Variants in PSMA3 observed in about 807,000 individuals in gnomAD.
PSMA3 encodes the protein proteasome subunit alpha type-3.
In PSMA3, 8 loss-of-function variants were observed where a neutral mutation model predicts 40.0. That is an observed-to-expected ratio of 0.20 (90% CI 0.12 to 0.36). The LOEUF (loss-of-function observed/expected upper bound fraction) is 0.36. Ranked by LOEUF, PSMA3 falls within the 10% of genes least tolerant of loss-of-function variation. PSMA3 has a pLI of 1.00. For synonymous variants in PSMA3, 110 were observed against 100.0 expected, an observed-to-expected ratio of 1.10 and a Z score of -0.59; for missense variants, 219 against 310.6, an observed-to-expected ratio of 0.70 and a Z score of 2.22.
intron 1 of PSMA3, among the ~76,000 whole-genome samples, chr14:58,246,842 C>T (rs1365352928): frequency 6.6e-6 from 1 of 152,226 alleles, no homozygotes; most frequent in Non-Finnish European, 1.5e-5. Flanking sequence ...TTATTTTCCG[C>T]ATAAAGCCAG....
intron 6 of PSMA3, among the ~76,000 whole-genome samples, chr14:58,262,656 G>A (rs1183267943): frequency 6.7e-6 from 1 of 150,130 alleles, no homozygotes; most frequent in Non-Finnish European, 1.5e-5. Flanking sequence ...TCTGCCTCCC[G>A]GATTCAAGGG....
At position 58,247,826 on chromosome 14, in the gene PSMA3, A is replaced by G; in HGVS notation, c.98A>G (p.Asn33Ser). 1.3e-6 allele frequency: 2 copies of G among 1,587,026 alleles called. No individual in the cohort carries two copies. The highest frequency in any genetic ancestry group is 8.6e-7 in the Non-Finnish European group (1 of 1,158,006). ...GAATATGCTATGAAGGCTGTGGAAA[A>G]TAGTAGGTAAGAAACATTTAACCAG... ...QVEYAMKAVE[N>S]SSTAIGIRCK... is the part of the protein sequence containing the mutation. Residue 33 changes from asparagine to serine, a missense_variant, in exon 2 of 11, where the codon AAT becomes AGT. Asn to Ser is a conservative substitution (Grantham distance 46, BLOSUM62 1). Coordinates refer to ENST00000216455, the MANE Select transcript of PSMA3 (RefSeq NM_002788.4).
intron 3 of PSMA3, among the ~76,000 whole-genome samples, chr14:58,256,075 A>G (rs528850708): frequency 6.6e-6 from 1 of 152,048 alleles, no homozygotes; most frequent in Non-Finnish European, 1.5e-5. Context: ...GCTGGTTTCA[A>G]ACTCCTGACC....
chr14:58,252,607 G>C (rs753486810), intron 3 of PSMA3, among the ~76,000 whole-genome samples: 17 of 152,118 alleles, frequency 1.1e-4, no homozygotes, highest in Admixed American at 6.6e-4. Flanking sequence ...CTTTATATAA[G>C]GTGGAACATC....
At position 58,270,914 on chromosome 14, in the gene PSMA3, A is replaced by T; in HGVS notation, c.659-20A>T. On this transcript the variant is annotated intron_variant, in intron 9 of 10. Coordinates refer to ENST00000216455, the MANE Select transcript of PSMA3 (RefSeq NM_002788.4). ...GGTACTCAATTTAAAATTCATTTACACATGTGGCTTAATTTACAGTAACTA... is the reference window on the plus strand; with the variant it reads ...GGTACTCAATTTAAAATTCATTTACTCATGTGGCTTAATTTACAGTAACTA... 1 of 1,567,454 alleles carries T rather than the reference A, an allele frequency of 6.4e-7. No homozygotes were observed. The highest frequency in any genetic ancestry group is 8.7e-7 in the Non-Finnish European group (1 of 1,143,196).
At chr14:58,251,727 C>T (rs1043679971) in intron 2 of PSMA3, among the ~76,000 whole-genome samples, 2 of 152,084 alleles carry the variant, frequency 1.3e-5, no homozygotes, top group African/African-American at 4.8e-5. Context: ...CCAGAGCAGT[C>T]ACTGTTAACT....
rs1890185412 is a variant in PSMA3 at position 58,257,957 on chromosome 14, T to C, written c.363T>C (p.His121=). 6.2e-7 allele frequency: 1 copy of C among 1,614,026 alleles called. No individual in the cohort carries two copies. Among genetic ancestry groups the C allele is most frequent in the South Asian group, 1.1e-5 (1 of 91,088 alleles). Residue 121 remains histidine, a synonymous_variant, in exon 5 of 11, where the codon CAT becomes CAC. Transcript: ENST00000216455. ...CAGACAGAGTGGCCATGTATGTGCA[T>C]GCATATACACTCTACAGTGCTGTTA... The part of the protein sequence containing the change: ...HLADRVAMYV[H]AYTLYSAVRP...
intron 3 of PSMA3, among the ~76,000 whole-genome samples, chr14:58,254,585 C>G (rs943979318): frequency 3.3e-5 from 5 of 151,622 alleles, no homozygotes; most frequent in African/African-American, 1.2e-4. Flanking sequence ...ATCCTCCCGC[C>G]TCAGCTTCTT....
At chr14:58,260,907 G>A in intron 5 of PSMA3, 41 bp from the exon 6 acceptor site, 1 of 1,387,586 alleles carries the variant, frequency 7.2e-7, no homozygotes, top group Non-Finnish European at 1.0e-6. Context: ...ATACTTTTAT[G>A]TTATTGCCAT....
intron 3 of PSMA3, among the ~76,000 whole-genome samples, chr14:58,256,602 C>G (rs1487770779): frequency 6.6e-6 from 1 of 151,098 alleles, no homozygotes; most frequent in African/African-American, 2.4e-5. Context: ...TTAGTAGAGA[C>G]GGCATTTCAC....
intron 6 of PSMA3, among the ~76,000 whole-genome samples, chr14:58,261,515 G>T (rs893785451): frequency 6.6e-6 from 1 of 152,080 alleles, no homozygotes; most frequent in Non-Finnish European, 1.5e-5. Context: ...ACGAGGCAGA[G>T]GAAAGATTTT....
intron 2 of PSMA3, among the ~76,000 whole-genome samples, chr14:58,250,964 G>C (rs1889998287): frequency 6.6e-6 from 1 of 152,034 alleles, no homozygotes; most frequent in Non-Finnish European, 1.5e-5. Context: ...AGGATGTAGA[G>C]CTTGGTGATG....
intron 1 of PSMA3, among the ~76,000 whole-genome samples, chr14:58,246,251 G>C (rs978571582): frequency 1.3e-5 from 2 of 152,166 alleles, no homozygotes; most frequent in African/African-American, 4.8e-5. Flanking sequence ...GCATGTGAAA[G>C]TAGAGCTCTG....
intron 1 of PSMA3, among the ~76,000 whole-genome samples, chr14:58,245,785 C>T (rs146097164): frequency 6.6e-6 from 1 of 152,222 alleles, no homozygotes; most frequent in East Asian, 1.9e-4. Flanking sequence ...TTTCTCAGTT[C>T]CTCAATTTCT....
chr14:58,268,611 A>G (rs1168539240), intron 8 of PSMA3: 4 of 152,180 alleles, frequency 2.6e-5, no homozygotes, highest in African/African-American at 9.7e-5. Context: ...AGGAAGTCAG[A>G]TATCTTCCTT....
Position 58,245,037 on chromosome 14 carries a change from TC to T in PSMA3, c.21+97del. On this transcript the variant is annotated intron_variant, in intron 1 of 10. Transcript: ENST00000216455. ...CATGGGGTTCGCGGACCCGGGGTGC[TC>T]TGAGACCGCCTTCGGCTGGGTGGGC... The T allele has an allele frequency of 5.9e-6, 9 of 1,536,332 alleles. 1 individual carries two copies. Among genetic ancestry groups the T allele is most frequent in the Middle Eastern group, 1.7e-4 (1 of 5,782 alleles).
At chr14:58,258,086 A>G in intron 5 of PSMA3, 88 bp downstream of exon 5, 1 of 1,007,406 alleles carries the variant, frequency 9.9e-7, no homozygotes, top group Non-Finnish European at 1.5e-6. Context: ...TTACATACTT[A>G]AAAATAGAAA....
Position 58,252,350 on chromosome 14 carries a change from G to T in PSMA3, c.228+108G>T, listed in dbSNP as rs1352772003. 2.2e-6 allele frequency: 3 copies of T among 1,368,632 alleles called. No homozygotes were observed. The East Asian group carries it at 7.3e-5, about 33-fold the overall frequency. 84.8% of individuals were successfully genotyped at this position (1,368,632 alleles called of 1,614,324 possible). ...ACAAAAGTAATCAGAGCAAGTTACTGCATTTGTCCAGTTCACTGTCCAGTA... is the reference window on the plus strand; with the variant it reads ...ACAAAAGTAATCAGAGCAAGTTACTTCATTTGTCCAGTTCACTGTCCAGTA... On this transcript the variant is annotated intron_variant, in intron 3 of 10. Coordinates refer to ENST00000216455, the MANE Select transcript of PSMA3 (RefSeq NM_002788.4).
In PSMA3 at chr14:58,270,493, A is replaced by G; in HGVS notation, c.658+8A>G. 1 of 1,613,560 alleles carries G rather than the reference A, an allele frequency of 6.2e-7. No individual in the cohort carries two copies. Among genetic ancestry groups the G allele is most frequent in the South Asian group, 1.1e-5 (1 of 91,074 alleles). On this transcript the variant is annotated splice_region_variant and intron_variant, in intron 9 of 10. Transcript: ENST00000216455. ...TCAGCTGGGTTGGTGAATGTAAGTTATTTTTGTACATTTATTTGCCTTAGG... is the reference window on the plus strand; with the variant it reads ...TCAGCTGGGTTGGTGAATGTAAGTTGTTTTTGTACATTTATTTGCCTTAGG...
Sources: gnomAD v4.1 joint callset for allele counts (sites outside exome capture counted in the v4.1 genomes callset) on GRCh38, gnomAD v4.1.1 for gene constraint, MANE v1.5 for transcripts, NCBI Gene and HGNC (gene_info 2026-07-23, HGNC 2026-07-21) for gene names.